Variants in GRM6 observed in about 807,000 individuals in gnomAD.
GRM6 encodes glutamate metabotropic receptor 6.
A neutral mutation model predicts 78.4 loss-of-function variants in GRM6; 73 were observed. That is an observed-to-expected ratio of 0.93 (90% CI 0.77 to 1.13). GRM6 has a LOEUF of 1.13. GRM6 is among the 50% of genes most tolerant of loss of function. GRM6 has a pLI of 0.00. For missense variants in GRM6, 1,251 were observed against 1,256.4 expected, an observed-to-expected ratio of 1.00 and a Z score of 0.07; for synonymous variants, 580 against 555.0, an observed-to-expected ratio of 1.05 and a Z score of -0.63.
chr5:178,989,356 G>A lies in GRM6; in HGVS notation c.1062C>T (p.Asn354=). 6.2e-7 allele frequency: 1 copy of A among 1,613,948 alleles called. No homozygotes were observed. Among genetic ancestry groups the A allele is most frequent in the South Asian group, 1.1e-5 (1 of 91,080 alleles). Residue 354 remains asparagine, a synonymous_variant, in exon 6 of 11, where the codon AAC becomes AAT. Coordinates refer to ENST00000517717, the MANE Select transcript of GRM6 (RefSeq NM_000843.4). The part of the protein sequence containing the change: ...MTRSLENNRR[N]IWFAEFWEEN... ...CTTCCCAGAACTCGGCGAACCAGAT[G>A]TTCCTGCGGTTGTTCTCCAGGGATC...
intron 1 of GRM6, 108 bp from the exon 2 acceptor site, chr5:178,995,068 C>T: frequency 3.7e-6 from 2 of 540,052 alleles, no homozygotes; most frequent in African/African-American, 2.0e-5. Flanking sequence ...GCGCTCGGGG[C>T]GCGCCTTCCA....
intron 9 of GRM6, chr5:178,985,206 A>G (rs932472812): frequency 6.6e-6 from 3 of 452,432 alleles, no homozygotes; most frequent in South Asian, 3.1e-5. Flanking sequence ...TAGCTCTTTG[A>G]CCTGTTTCCA....
In GRM6 at chr5:178,992,158, G is replaced by A. The variant is rs764234121; in HGVS notation, c.505-75C>T. Reference sequence around the variant, plus strand: ...AGAGAGGGAGGGTAAGGGGGGCCCAGGACACGGACGGGGCACAGAAGGTGT... The same window carrying A: ...AGAGAGGGAGGGTAAGGGGGGCCCAAGACACGGACGGGGCACAGAAGGTGT... On this transcript the variant is annotated intron_variant, in intron 2 of 10. Transcript: ENST00000517717. The surrounding 1 kb of genome is among the most constrained non-coding windows in gnomAD (Gnocchi z 4.9). 5 of 960,076 alleles carry A rather than the reference G, an allele frequency of 5.2e-6. No individual in the cohort carries two copies. The highest frequency in any genetic ancestry group is 8.2e-6 in the Non-Finnish European group (5 of 607,918). 59.5% of individuals were successfully genotyped at this position (960,076 alleles called of 1,614,324 possible). A position where few individuals can be genotyped will look rare whatever the true frequency, so the allele number is the denominator to read the frequency against.
intron 5 of GRM6, chr5:178,990,064 G>C (rs1760644204): frequency 5.0e-6 from 1 of 199,570 alleles, no homozygotes; most frequent in African/African-American, 2.3e-5. Context: ...CTAGCAGCCA[G>C]GGCTCAGCCT....
chr5:178,982,827 G>A (rs1289950993), intron 10 of GRM6, 83 bp downstream of exon 10: 11 of 976,444 alleles, frequency 1.1e-5, no homozygotes, highest in East Asian at 4.8e-5. Context: ...ACAAAAGCAC[G>A]AACAAGCATT....
rs543641684 is a variant in GRM6, at chr5:178,992,947, G to A, written c.505-864C>T. Among the ~76,000 whole-genome samples, 2 of 152,206 alleles carry A rather than the reference G, an allele frequency of 1.3e-5. No individual in the cohort carries two copies. The highest frequency in any genetic ancestry group is 2.1e-4 in the South Asian group (1 of 4,812). On this transcript the variant is annotated intron_variant, in intron 2 of 10. Coordinates refer to ENST00000517717, the MANE Select transcript of GRM6 (RefSeq NM_000843.4). This position sits in a 1 kb window ranked among gnomAD's most constrained non-coding sequence, Gnocchi z 4.9. ...AGAGAGAGAAACAACTGAGGAGACC[G>A]AGAGACGAGAAAGGCCCAGTGGCCA...
chr5:178,983,357 G>A, intron 9 of GRM6, 136 bp from the exon 10 acceptor site: 1 of 787,938 alleles, frequency 1.3e-6, no homozygotes, highest in Non-Finnish European at 2.2e-6. Context: ...CTTCGTGGTG[G>A]CTCTCAGGAG....
In GRM6 at chr5:178,983,327, A is replaced by C. The variant is rs754699759; in HGVS notation, c.2125-106T>G. The C allele has an allele frequency of 1.2e-5, 11 of 942,204 alleles. No individual in the cohort carries two copies. The South Asian group carries it at 1.4e-4, about 12-fold the overall frequency. 58.4% of individuals were successfully genotyped at this position (942,204 alleles called of 1,614,324 possible). On this transcript the variant is annotated intron_variant, in intron 9 of 10. Coordinates refer to ENST00000517717, the MANE Select transcript of GRM6 (RefSeq NM_000843.4). ...CAGGATCCCCTTGAGGCTCTGGCCT[A>C]TGGAGGGGATGCTCCACCTCTTCGT... is the stretch of plus-strand genomic sequence containing the variant.
rs770795816 is a variant in GRM6, at chr5:178,989,424, G to C, written c.1013-19C>G. ...TCAAATCCTACAGACAGGGAAGAAG[G>C]GGGAGGGTGGCGCTGACCTGAGCCA... On this transcript the variant is annotated intron_variant, in intron 5 of 10. Coordinates refer to ENST00000517717, the MANE Select transcript of GRM6 (RefSeq NM_000843.4). 6.2e-7 allele frequency: 1 copy of C among 1,613,748 alleles called. No homozygotes were observed. The highest frequency in any genetic ancestry group is 1.7e-5 in the Admixed American group (1 of 60,002).
rs775127730 is a variant in GRM6, at chr5:178,989,079, C to T, written c.1210G>A (p.Val404Met). 1.9e-6 allele frequency: 3 copies of T among 1,614,102 alleles called. No individual in the cohort carries two copies. The highest frequency in any genetic ancestry group is 1.1e-5 in the South Asian group (1 of 91,068). ...GCAATGGCGTACACCGCATCAATCA[C>T]AAACTGCACCTTGCCCTCCTGCTCG... ...TYEQEGKVQF[V>M]IDAVYAIAHA... The change falls in exon 7 of 11, where the codon GTG becomes ATG. Residue 404 changes from valine to methionine, a missense_variant. Transcript: ENST00000517717.
At chr5:178,989,210 C>CA in intron 6 of GRM6, 55 bp downstream of exon 6, 2 of 269,406 alleles carry the variant, frequency 7.4e-6, no homozygotes, top group Non-Finnish European at 1.2e-5. Flanking sequence ...TCCCCCTCCC[C>CA]ACCCTCACCA....
intron 9 of GRM6, chr5:178,983,513 C>G (rs1388681060): frequency 4.9e-6 from 3 of 616,484 alleles, no homozygotes; most frequent in African/African-American, 1.8e-5. Context: ...TAAGGGGCAG[C>G]TTGGTGTCCT....
chr5:178,991,927 A>G lies in GRM6; in HGVS notation c.661T>C (p.Ser221Pro). Residue 221 changes from serine to proline, a missense_variant, in exon 3 of 11, where the codon TCC becomes CCC. By Grantham distance (74) the Ser-to-Pro change is moderately conservative (BLOSUM62 -1). Coordinates refer to ENST00000517717, the MANE Select transcript of GRM6 (RefSeq NM_000843.4). This position sits in a 1 kb window ranked among gnomAD's most constrained non-coding sequence, Gnocchi z 5.0. ...LGWNYVSTLASEGNYGESGVE... is the reference protein window; with the variant it reads ...LGWNYVSTLAPEGNYGESGVE... Reference sequence around the variant, plus strand: ...CCACTTTCGCCATAGTTGCCCTCGGAGGCCAGCGTGGACACATAGTTCCAT... The same window carrying G: ...CCACTTTCGCCATAGTTGCCCTCGGGGGCCAGCGTGGACACATAGTTCCAT... 6.2e-7 allele frequency: 1 copy of G among 1,614,120 alleles called. No individual in the cohort carries two copies. The highest frequency in any genetic ancestry group is 8.5e-7 in the Non-Finnish European group (1 of 1,180,032).
Position 178,985,076 on chromosome 5 carries a change from C to T in GRM6, c.2124+1054G>A, listed in dbSNP as rs74380501. Reference sequence around the variant, plus strand: ...TTAACGGCCAGCACGAAACGCTGGCCACTGGATGGAATTCGATGCTCTTCC... The same window carrying T: ...TTAACGGCCAGCACGAAACGCTGGCTACTGGATGGAATTCGATGCTCTTCC... On this transcript the variant is annotated intron_variant, in intron 9 of 10. Coordinates refer to ENST00000517717, the MANE Select transcript of GRM6 (RefSeq NM_000843.4). Among the ~76,000 whole-genome samples the T allele has an allele frequency of 5.9e-3, 903 of 152,256 alleles. 36 individuals are homozygous for T. In the East Asian group the frequency reaches 0.11, roughly 19 times the overall value.
rs1231632225 is a variant in GRM6, at chr5:178,989,338, G to A, written c.1080C>T (p.Phe360=). The A allele has an allele frequency of 1.9e-6, 3 of 1,613,702 alleles. No individual in the cohort carries two copies. Among genetic ancestry groups the A allele is most frequent in the African/African-American group, 1.3e-5 (1 of 74,816 alleles). Residue 360 remains phenylalanine, a synonymous_variant, in exon 6 of 11, where the codon TTC becomes TTT. Transcript: ENST00000517717. ...NNRRNIWFAE[F]WEENFNCKLT... ...GTTTGCAGTTAAAATTCTCTTCCCA[G>A]AACTCGGCGAACCAGATGTTCCTGC...
chr5:178,991,772 G>T lies in GRM6; in HGVS notation c.721+95C>A. 8.3e-7 allele frequency: 1 copy of T among 1,205,332 alleles called. No individual in the cohort carries two copies. The highest frequency in any genetic ancestry group is 1.2e-6 in the Non-Finnish European group (1 of 823,356). 74.7% of individuals were successfully genotyped at this position (1,205,332 alleles called of 1,614,324 possible). On this transcript the variant is annotated intron_variant, in intron 3 of 10. Transcript: ENST00000517717. The surrounding 1 kb of genome is among the most constrained non-coding windows in gnomAD (Gnocchi z 5.0). ...CAGCCAGGCAACCTCGGCCCAGCATGGACCTGGGCCCCCCATCTTTCTGCT... is the reference window on the plus strand; with the variant it reads ...CAGCCAGGCAACCTCGGCCCAGCATTGACCTGGGCCCCCCATCTTTCTGCT...
Position 178,991,744 on chromosome 5 carries a change from C to T in GRM6, c.721+123G>A. On this transcript the variant is annotated intron_variant, in intron 3 of 10. Coordinates refer to ENST00000517717, the MANE Select transcript of GRM6 (RefSeq NM_000843.4). This position sits in a 1 kb window ranked among gnomAD's most constrained non-coding sequence, Gnocchi z 5.0. ...ACAAAGAGGTCCCGCCCACATGGAG[C>T]ACCAGCCAGGCAACCTCGGCCCAGC... The T allele has an allele frequency of 8.9e-7, 1 of 1,125,892 alleles. No homozygotes were observed. The highest frequency in any genetic ancestry group is 1.3e-5 in the South Asian group (1 of 78,504). 69.7% of individuals were successfully genotyped at this position (1,125,892 alleles called of 1,614,324 possible). A position where few individuals can be genotyped will look rare whatever the true frequency, so the allele number is the denominator to read the frequency against.
rs1214139170 is a variant in GRM6 at position 178,992,003 on chromosome 5, T to A, written c.585A>T (p.Pro195=). The change falls in exon 3 of 11, where the codon CCA becomes CCT. Residue 195 remains proline (P), a synonymous_variant. Transcript: ENST00000517717. The surrounding 1 kb of genome is among the most constrained non-coding windows in gnomAD (Gnocchi z 4.9). The part of the protein sequence containing the change: ...TRYDFFSRVV[P]PDSYQAQAMV... ...TGGCCTGCGCCTGGTAGGAGTCGGGTGGCACCACCCGGGAGAAGAAGTCAT... is the reference window on the plus strand; with the variant it reads ...TGGCCTGCGCCTGGTAGGAGTCGGGAGGCACCACCCGGGAGAAGAAGTCAT... 5 of 1,613,872 alleles carry A rather than the reference T, an allele frequency of 3.1e-6. No homozygotes were observed. The highest frequency in any genetic ancestry group is 3.3e-5 in the Admixed American group (2 of 59,988).
In GRM6 at chr5:178,981,428, T is replaced by A; in HGVS notation, c.*229A>T. 3 of 515,560 alleles carry A rather than the reference T, an allele frequency of 5.8e-6. No individual in the cohort carries two copies. The highest frequency in any genetic ancestry group is 5.2e-5 in the South Asian group (2 of 38,612). 31.9% of individuals were successfully genotyped at this position (515,560 alleles called of 1,614,324 possible). A position where few individuals can be genotyped will look rare whatever the true frequency, so the allele number is the denominator to read the frequency against. ...CCTTCTCGGTGGCTGTTTCCCACCA[T>A]GGGAAGCGAGTCTGGTCTGTGGTGA... On this transcript the variant is annotated 3_prime_UTR_variant, in exon 11 of 11. Transcript: ENST00000517717. This position sits in a 1 kb window ranked among gnomAD's most constrained non-coding sequence, Gnocchi z 5.1.
Sources: gnomAD v4.1 joint callset for allele counts (sites outside exome capture counted in the v4.1 genomes callset) on GRCh38, gnomAD v4.1.1 for gene constraint, Gnocchi (gnomAD v3.1) non-coding constraint, MANE v1.5 for transcripts, NCBI Gene and HGNC (gene_info 2026-07-23, HGNC 2026-07-21) for gene names.